Variants in HSF5 observed in about 807,000 individuals in gnomAD.
HSF5 encodes heat shock transcription factor 5.
HSF5 carries 5 observed loss-of-function variants against 50.8 expected under a neutral mutation model. The observed-to-expected ratio is 0.10, with a 90% CI of 0.05 to 0.21. HSF5 has a LOEUF of 0.21. Ranked by LOEUF, HSF5 falls within the 10% of genes least tolerant of loss-of-function variation. HSF5 has a pLI of 1.00. For synonymous variants in HSF5, 307 were observed against 307.4 expected (o/e 1.00, Z 0.02); for missense variants, 564 against 762.6 (o/e 0.74, Z 3.07).
At position 58,423,882 on chromosome 17, in the gene HSF5, G is replaced by T. The variant is rs551000981; in HGVS notation, c.1721-1452C>A. ...CTTTATTTCATTCTCAACATACAAA[G>T]ACTTTTGTTGCTACATTTTTGGAAC... On this transcript the variant is annotated intron_variant, in intron 5 of 5. Transcript: ENST00000323777. 1.1e-4 allele frequency among the ~76,000 whole-genome samples: 17 copies of T among 152,310 alleles called. 1 individual carries two copies. The South Asian group carries it at 3.5e-3, about 32-fold the overall frequency.
chr17:58,480,328 C>T, intron 1 of HSF5, 61 bp from the exon 2 acceptor site: 2 of 1,492,302 alleles, frequency 1.3e-6, no homozygotes, highest in Non-Finnish European at 1.8e-6. Context: ...ACATAGTAAA[C>T]CAAAGGTCAT....
chr17:58,470,898 C>G (rs938713149), intron 2 of HSF5, among the ~76,000 whole-genome samples: 1 of 152,082 alleles, frequency 6.6e-6, no homozygotes, highest in Non-Finnish European at 1.5e-5. Context: ...TGCACTCCAG[C>G]CTGGGTGACA....
rs767962891 is a variant in HSF5 at position 58,480,293 on chromosome 17, T to C, written c.551-26A>G. On this transcript the variant is annotated intron_variant, in intron 1 of 5. Transcript: ENST00000323777. ...CTACATAAAAGAGGAAGAGCACATT[T>C]ACTAATTTTGCATTACATCACCAGA... is the stretch of plus-strand genomic sequence containing the variant. 4 of 1,564,790 alleles carry C rather than the reference T, an allele frequency of 2.6e-6. No homozygotes were observed. In the South Asian group the frequency reaches 4.8e-5, roughly 19 times the overall value.
intron 5 of HSF5, 32 bp downstream of exon 5, chr17:58,458,736 C>T (rs925644299): frequency 6.4e-7 from 1 of 1,551,030 alleles, no homozygotes; most frequent in Non-Finnish European, 8.7e-7. Flanking sequence ...CGTGATTCTA[C>T]TTCTGGCATT....
At chr17:58,469,019 A>G (rs1974909870) in intron 2 of HSF5, among the ~76,000 whole-genome samples, 1 of 152,202 alleles carries the variant, frequency 6.6e-6, no homozygotes, top group Middle Eastern at 3.4e-3. Context: ...TTGACAGCAC[A>G]AATATCCTAG....
At chr17:58,443,886 T>C (rs1598185824) in intron 5 of HSF5, among the ~76,000 whole-genome samples, 2 of 152,124 alleles carry the variant, frequency 1.3e-5, no homozygotes, top group Admixed American at 1.3e-4. Flanking sequence ...TATGGGGAGG[T>C]AGTAGTCAAA....
At chr17:58,466,811 C>T (rs1314630890) in intron 3 of HSF5, 74 bp downstream of exon 3, 2 of 852,966 alleles carry the variant, frequency 2.3e-6, no homozygotes, top group East Asian at 2.5e-5. Flanking sequence ...TATAAAATTA[C>T]ACTTTGAAAT....
intron 2 of HSF5, among the ~76,000 whole-genome samples, chr17:58,473,100 T>C (rs553518194): frequency 4.6e-5 from 7 of 152,212 alleles, no homozygotes; most frequent in African/African-American, 1.7e-4. Context: ...TGAGTCAGAT[T>C]GTCTGGATTT....
intron 2 of HSF5, among the ~76,000 whole-genome samples, chr17:58,472,777 A>G (rs918738586): frequency 3.3e-5 from 5 of 152,146 alleles, no homozygotes; most frequent in African/African-American, 7.2e-5. Context: ...GGATACAGAA[A>G]TGAATTAGAG....
At chr17:58,464,186 C>T (rs550667775) in intron 3 of HSF5, among the ~76,000 whole-genome samples, 15 of 152,176 alleles carry the variant, frequency 9.9e-5, no homozygotes, top group Non-Finnish European at 2.1e-4. Context: ...GCCACTAATG[C>T]CAAATAATGT....
intron 5 of HSF5, among the ~76,000 whole-genome samples, chr17:58,449,116 T>C (rs1974600677): frequency 6.6e-6 from 1 of 152,018 alleles, no homozygotes; most frequent in South Asian, 2.1e-4. Context: ...CTTGTGGTAA[T>C]CATAGACAAA....
At position 58,420,838 on chromosome 17, in the gene HSF5, C is replaced by T. The variant is rs770332686; in HGVS notation, c.*1522G>A. 1 of 152,226 alleles carries T rather than the reference C, an allele frequency of 6.6e-6. No individual in the cohort carries two copies. Among genetic ancestry groups the T allele is most frequent in the Non-Finnish European group, 1.5e-5 (1 of 68,018 alleles). 9.4% of individuals were successfully genotyped at this position (152,226 alleles called of 1,614,324 possible). A position where few individuals can be genotyped will look rare whatever the true frequency, so the allele number is the denominator to read the frequency against. The stretch of plus-strand genomic sequence containing the variant: ...ATATCTAAACAGAGTCACTGCAGAT[C>T]AATACAGAGCTCACCCTTTTCCAGA... On this transcript the variant is annotated 3_prime_UTR_variant, in exon 6 of 6. Transcript: ENST00000323777.
At chr17:58,456,141 A>G (rs149327800) in intron 5 of HSF5, among the ~76,000 whole-genome samples, 12,214 of 136,670 alleles carry the variant, frequency 0.089, 657 homozygotes, top group Middle Eastern at 0.2. Flanking sequence ...GTGTGTGTGT[A>G]TATATATATA....
intron 2 of HSF5, among the ~76,000 whole-genome samples, chr17:58,467,731 G>C (rs141058266): frequency 6.6e-6 from 1 of 152,238 alleles, no homozygotes; most frequent in Non-Finnish European, 1.5e-5. Flanking sequence ...AGTGTTAGCT[G>C]CTATTATTTT....
intron 1 of HSF5, among the ~76,000 whole-genome samples, chr17:58,482,826 C>A (rs1205914901): frequency 6.6e-6 from 1 of 150,730 alleles, no homozygotes; most frequent in Non-Finnish European, 1.5e-5. Context: ...CACCAATAGT[C>A]CCAGCTAGGA....
intron 5 of HSF5, among the ~76,000 whole-genome samples, chr17:58,433,319 A>G (rs1974387383): frequency 6.6e-6 from 1 of 152,216 alleles, no homozygotes; most frequent in Admixed American, 6.5e-5. Flanking sequence ...TTATAAGTAA[A>G]TAAGTAAAAT....
intron 1 of HSF5, among the ~76,000 whole-genome samples, chr17:58,482,006 AAAT>A (rs1168255149): frequency 1.3e-5 from 2 of 152,172 alleles, no homozygotes; most frequent in African/African-American, 4.8e-5. Context: ...TTTCGAAAAG[AAAT>A]AATAAAGTAT....
chr17:58,446,433 T>C lies in HSF5; in HGVS notation c.1720+12335A>G, dbSNP rs534808466. On this transcript the variant is annotated intron_variant, in intron 5 of 5. Transcript: ENST00000323777. ...CACTTAAGAGAGGCAAAGGGAAGTA[T>C]GGGGGAGATTTTGCATTTGAACTTA... Among the ~76,000 whole-genome samples the C allele has an allele frequency of 7.6e-4, 115 of 152,144 alleles. 1 individual carries two copies. The highest frequency in any genetic ancestry group is 2.8e-3 in the African/African-American group (115 of 41,522).
At chr17:58,472,208 C>A (rs979398799) in intron 2 of HSF5, among the ~76,000 whole-genome samples, 1 of 152,154 alleles carries the variant, frequency 6.6e-6, no homozygotes, top group Non-Finnish European at 1.5e-5. Context: ...ATAGCTCATG[C>A]CTGTAATCCC....
Sources: allele counts gnomAD v4.1 joint callset (sites outside exome capture counted in the v4.1 genomes callset), GRCh38; gene constraint gnomAD v4.1.1; transcripts MANE v1.5; gene names NCBI Gene and HGNC (gene_info 2026-07-23, HGNC 2026-07-21).